SERP2: variants seen among roughly 807,000 people sequenced by gnomAD.
The protein encoded by SERP2 is stress-associated endoplasmic reticulum protein 2.
A neutral mutation model predicts 9.1 loss-of-function variants in SERP2; 6 were observed. That is an observed-to-expected ratio of 0.66 (90% CI 0.36 to 1.30). The LOEUF (loss-of-function observed/expected upper bound fraction) is 1.30, where lower values mean the gene tolerates loss of function less well. SERP2 is among the 50% of genes most tolerant of loss of function. The pLI is 0.03. For missense variants in SERP2, 58 were observed against 81.9 expected (o/e 0.71, Z 1.13); for synonymous variants, 37 against 27.3 (o/e 1.35, Z -1.10).
chr13:44,379,007 C>T (rs1198416051), intron 1 of SERP2, among the ~76,000 whole-genome samples: 1 of 152,180 alleles, frequency 6.6e-6, no homozygotes, highest in Non-Finnish European at 1.5e-5. Context: ...TGTGGTGCTT[C>T]TGTTGTTGCA....
chr13:44,387,459 GTATTCACAAGACAGCTGT>G (rs1326261305), intron 2 of SERP2, among the ~76,000 whole-genome samples: 1 of 152,170 alleles, frequency 6.6e-6, no homozygotes, highest in Admixed American at 6.5e-5. Flanking sequence ...TATTGCCACG[GTATTCACAAGACAGCTGT>G]CTTCGGCATT....
At chr13:44,387,588 T>G (rs1872392724) in intron 2 of SERP2, among the ~76,000 whole-genome samples, 1 of 152,232 alleles carries the variant, frequency 6.6e-6, no homozygotes, top group Non-Finnish European at 1.5e-5. Context: ...AGAGTCAGCC[T>G]ATACATGTTT....
chr13:44,394,649 C>G (rs760488964), intron 2 of SERP2, among the ~76,000 whole-genome samples: 1 of 152,166 alleles, frequency 6.6e-6, no homozygotes, highest in East Asian at 1.9e-4. Flanking sequence ...CTTATGTCAT[C>G]GTATTTATTC....
chr13:44,385,035 T>G (rs1026604740), intron 2 of SERP2, among the ~76,000 whole-genome samples: 1 of 152,254 alleles, frequency 6.6e-6, no homozygotes, highest in Admixed American at 6.5e-5. Flanking sequence ...TCTGGCTGTC[T>G]TCTGGGAAAG....
At chr13:44,395,386 C>T (rs1873029507) in intron 2 of SERP2, among the ~76,000 whole-genome samples, 4 of 151,686 alleles carry the variant, frequency 2.6e-5, no homozygotes, top group South Asian at 2.1e-4. Flanking sequence ...GGGTGGATCA[C>T]GAGGTCAGGA....
chr13:44,397,240 G>C (rs773664008), intron 2 of SERP2, 32 bp from the exon 3 acceptor site: 1 of 1,607,466 alleles, frequency 6.2e-7, no homozygotes, highest in African/African-American at 1.3e-5. Context: ...GTGCAGTCTG[G>C]TGTCTGAGCT....
In SERP2 at chr13:44,373,845, T is replaced by A; in HGVS notation, c.-181T>A. The A allele has an allele frequency of 1.9e-6, 1 of 539,464 alleles. No individual in the cohort carries two copies. The highest frequency in any genetic ancestry group is 2.5e-5 in the South Asian group (1 of 39,592). The allele number at this position is 539,464 out of a possible 1,614,324, so 33.4% of individuals were successfully genotyped here. ...GATTACTTCCGTCCGGGCTGCGGCC[T>A]CTCTCTGGAGTCGGCTAGCCGGGGC... is the stretch of plus-strand genomic sequence containing the variant. On this transcript the variant is annotated 5_prime_UTR_variant, in exon 1 of 3. Transcript: ENST00000379179. This position sits in a 1 kb window ranked among gnomAD's most constrained non-coding sequence, Gnocchi z 4.8.
chr13:44,377,711 T>G (rs1871743605), intron 1 of SERP2, among the ~76,000 whole-genome samples: 1 of 152,248 alleles, frequency 6.6e-6, no homozygotes, highest in Non-Finnish European at 1.5e-5. Context: ...GTAGGAGAGA[T>G]ACAGGGATAA....
chr13:44,377,467 G>A lies in SERP2; in HGVS notation c.85-2174G>A, dbSNP rs536045836. Among the ~76,000 whole-genome samples the A allele has an allele frequency of 1.1e-4, 16 of 152,330 alleles. No individual in the cohort carries two copies. In the South Asian group the frequency reaches 3.3e-3, roughly 32 times the overall value. On this transcript the variant is annotated intron_variant, in intron 1 of 2. Transcript: ENST00000379179. ...GGTAGCTTTATGAATGTTGTTTACC[G>A]GATCTGAACTTGGCCTGGCCTTAAG...
At chr13:44,396,989 A>T (rs1873143137) in intron 2 of SERP2, among the ~76,000 whole-genome samples, 1 of 152,182 alleles carries the variant, frequency 6.6e-6, no homozygotes. Flanking sequence ...AAGGGGGCCA[A>T]ATCTCTTCTC....
intron 2 of SERP2, among the ~76,000 whole-genome samples, chr13:44,391,810 G>A (rs1414761123): frequency 1.3e-5 from 2 of 152,142 alleles, no homozygotes; most frequent in East Asian, 1.9e-4. Context: ...CTCTGCTCCA[G>A]GTGATCAAAG....
chr13:44,397,649 T>C lies in SERP2; in HGVS notation c.*337T>C, dbSNP rs1471425840. On this transcript the variant is annotated 3_prime_UTR_variant, in exon 3 of 3. Coordinates refer to ENST00000379179, the MANE Select transcript of SERP2 (RefSeq NM_001010897.3). ...CCTCTGAACGATCACTGGTTTACTT[T>C]CTATGGATACAATCTCTCCTCCATT... The C allele has an allele frequency of 5.4e-6, 2 of 368,020 alleles. No individual in the cohort carries two copies. Among genetic ancestry groups the C allele is most frequent in the Non-Finnish European group, 1.0e-5 (2 of 198,088 alleles). 22.8% of individuals were successfully genotyped at this position (368,020 alleles called of 1,614,324 possible). A position where few individuals can be genotyped will look rare whatever the true frequency, so the allele number is the denominator to read the frequency against.
Position 44,387,203 on chromosome 13 carries a change from G to A in SERP2, c.157+7490G>A, listed in dbSNP as rs997932027. Among the ~76,000 whole-genome samples the A allele has an allele frequency of 3.3e-5, 5 of 152,166 alleles. No homozygotes were observed. The East Asian group carries it at 9.6e-4, about 29-fold the overall frequency. ...CTCAAGGCACTTGCAGACTTGACAT[G>A]CTTCCCCAGCCCATTCATGGACCTA... On this transcript the variant is annotated intron_variant, in intron 2 of 2. Transcript: ENST00000379179.
At chr13:44,382,103 T>C (rs576335102) in intron 2 of SERP2, among the ~76,000 whole-genome samples, 1 of 152,002 alleles carries the variant, frequency 6.6e-6, no homozygotes, top group Non-Finnish European at 1.5e-5. Flanking sequence ...TATAAAACTT[T>C]ATGACTTTTT....
In SERP2 at chr13:44,393,520, A is replaced by C. The variant is rs946000613; in HGVS notation, c.158-3752A>C. Among the ~76,000 whole-genome samples, 27 of 152,072 alleles carry C rather than the reference A, an allele frequency of 1.8e-4. 1 individual carries two copies. The highest frequency in any genetic ancestry group is 1.5e-5 in the Non-Finnish European group (1 of 67,998). ...TTTTCTGAACCTCTGGGACCTGCCC[A>C]CGCCCTGATCGCCTGCCCTGGAACG... On this transcript the variant is annotated intron_variant, in intron 2 of 2. Coordinates refer to ENST00000379179, the MANE Select transcript of SERP2 (RefSeq NM_001010897.3).
intron 2 of SERP2, among the ~76,000 whole-genome samples, chr13:44,396,673 C>G (rs1278591686): frequency 1.1e-4 from 17 of 152,134 alleles, no homozygotes; most frequent in Non-Finnish European, 2.4e-4. Flanking sequence ...CTACCCACCC[C>G]CTTGACAACT....
intron 1 of SERP2, among the ~76,000 whole-genome samples, chr13:44,378,235 A>C (rs777110840): frequency 4.6e-5 from 7 of 152,234 alleles, no homozygotes; most frequent in Non-Finnish European, 1.0e-4. Flanking sequence ...ATATATGATA[A>C]ATTTTCTAGG....
At chr13:44,381,024 G>A (rs538733872) in intron 2 of SERP2, among the ~76,000 whole-genome samples, 5 of 152,130 alleles carry the variant, frequency 3.3e-5, no homozygotes, top group South Asian at 2.1e-4. Context: ...TAAATCTCTC[G>A]ACCTTGCCTC....
intron 2 of SERP2, among the ~76,000 whole-genome samples, chr13:44,384,285 G>A (rs1426565356): frequency 3.9e-5 from 6 of 152,138 alleles, no homozygotes; most frequent in Non-Finnish European, 7.3e-5. Flanking sequence ...TTGCAGAACC[G>A]ACTATTCCCT....
Sources: allele counts gnomAD v4.1 joint callset (sites outside exome capture counted in the v4.1 genomes callset), GRCh38; gene constraint gnomAD v4.1.1; non-coding constraint Gnocchi (gnomAD v3.1); transcripts MANE v1.5; gene names NCBI Gene and HGNC (gene_info 2026-07-23, HGNC 2026-07-21).